The following DENND1B variants were observed in gnomAD, a reference collection of about 807,000 sequenced individuals.
DENND1B encodes the protein DENN domain containing 1B, also known as DENN domain-containing protein 1B.
DENND1B carries 59 observed loss-of-function variants against 90.1 expected under a neutral mutation model. The ratio of observed to expected loss-of-function variants is 0.65; its 90% CI spans 0.53 to 0.81. The LOEUF (loss-of-function observed/expected upper bound fraction) is 0.81, where lower values mean the gene tolerates loss of function less well. DENND1B is among the 40% of genes least tolerant of loss of function. The pLI, the probability that DENND1B is intolerant of heterozygous loss-of-function variation, is 0.00. For missense variants in DENND1B, 862 were observed against 912.6 expected (o/e 0.94, Z 0.71); for synonymous variants, 337 against 324.6 (o/e 1.04, Z -0.41).
intron 15 of DENND1B, among the ~76,000 whole-genome samples, chr1:197,561,524 T>G (rs1435449416): frequency 6.6e-6 from 1 of 151,844 alleles, no homozygotes; most frequent in Non-Finnish European, 1.5e-5. Context: ...TCATCTAATC[T>G]ACATGCTGAT....
At chr1:197,751,591 C>G (rs1479675142) in intron 2 of DENND1B, among the ~76,000 whole-genome samples, 2 of 152,112 alleles carry the variant, frequency 1.3e-5, no homozygotes. Context: ...CACCTGTAAG[C>G]CCAGCACTTT....
intron 2 of DENND1B, among the ~76,000 whole-genome samples, chr1:197,739,030 A>G (rs568441443): frequency 1.2e-4 from 19 of 152,330 alleles, no homozygotes; most frequent in Non-Finnish European, 2.5e-4. Context: ...AAGGTTCACC[A>G]CCAACCCACC....
chr1:197,695,079 A>C (rs1658293812), intron 3 of DENND1B, among the ~76,000 whole-genome samples: 1 of 151,300 alleles, frequency 6.6e-6, no homozygotes, highest in African/African-American at 2.4e-5. Flanking sequence ...GCAGTAGAGA[A>C]TATAAAATAA....
At position 197,510,779 on chromosome 1, in the gene DENND1B, T is replaced by G. The variant is rs1232229739; in HGVS notation, c.2009A>C (p.Lys670Thr). Residue 670 changes from lysine to threonine, a missense_variant, in exon 23 of 23, where the codon AAG becomes ACG. Physicochemically the swap from Lys to Thr is moderately conservative, Grantham distance 78. Transcript: ENST00000620048. ...ACTCACATTGTCAGCACCGAGGTGCTTGTTACTGTTTTCCTCTTTCAGGAT... is the reference window on the plus strand; with the variant it reads ...ACTCACATTGTCAGCACCGAGGTGCGTGTTACTGTTTTCCTCTTTCAGGAT... ...LFILKEENSN[K>T]HLGADNVSDP... The G allele has an allele frequency of 6.2e-7, 1 of 1,612,336 alleles. No homozygotes were observed. Among genetic ancestry groups the G allele is most frequent in the Non-Finnish European group, 8.5e-7 (1 of 1,179,098 alleles).
chr1:197,599,150 A>C (rs1346672337), intron 13 of DENND1B, among the ~76,000 whole-genome samples: 1 of 151,832 alleles, frequency 6.6e-6, no homozygotes, highest in Non-Finnish European at 1.5e-5. Flanking sequence ...AAATAGGTAC[A>C]TGTTAAAAGA....
intron 10 of DENND1B, among the ~76,000 whole-genome samples, chr1:197,620,973 C>A (rs968539160): frequency 2.0e-5 from 3 of 151,234 alleles, no homozygotes; most frequent in Non-Finnish European, 3.0e-5. Flanking sequence ...TGAAACCTAA[C>A]TGAAGGGAGA....
At chr1:197,730,027 G>A (rs1458268995) in intron 2 of DENND1B, among the ~76,000 whole-genome samples, 1 of 151,224 alleles carries the variant, frequency 6.6e-6, no homozygotes, top group Non-Finnish European at 1.5e-5. Flanking sequence ...GTACTCCAGG[G>A]AACCGCCACA....
At chr1:197,745,016 C>G (rs1221486632) in intron 2 of DENND1B, among the ~76,000 whole-genome samples, 1 of 152,222 alleles carries the variant, frequency 6.6e-6, no homozygotes, top group Non-Finnish European at 1.5e-5. Flanking sequence ...CCACATCTCT[C>G]TCAGCCTTCA....
chr1:197,536,125 G>GAGA (rs1669863051), intron 20 of DENND1B, among the ~76,000 whole-genome samples: 2 of 142,962 alleles, frequency 1.4e-5, no homozygotes, highest in South Asian at 2.3e-4. Flanking sequence ...AGGGAGAGAG[G>GAGA]GAGAGAGAGA....
At chr1:197,622,735 T>A (rs1326815675) in intron 10 of DENND1B, among the ~76,000 whole-genome samples, 1 of 151,492 alleles carries the variant, frequency 6.6e-6, no homozygotes, top group Non-Finnish European at 1.5e-5. Context: ...TCATCTCAAC[T>A]TATGTCTATG....
In DENND1B at chr1:197,735,686, C is replaced by G. The variant is rs572855960; in HGVS notation, c.83-20612G>C. On this transcript the variant is annotated intron_variant, in intron 2 of 22. Transcript: ENST00000620048. ...GCCGGTACAAGGTCTACCCCGGACA[C>G]GGGAGGCGCTACGCCAGGACCGACA... The G allele has an allele frequency of 7.5e-5, 121 of 1,614,090 alleles. 2 individuals are homozygous for G. The South Asian group carries it at 1.0e-3, about 14-fold the overall frequency.
Position 197,731,040 on chromosome 1 carries a change from AC to A in DENND1B, c.83-15967del, listed in dbSNP as rs568160422. Among the ~76,000 whole-genome samples the A allele has an allele frequency of 2.9e-3, 445 of 152,260 alleles. 2 individuals are homozygous for A. Among genetic ancestry groups the A allele is most frequent in the Non-Finnish European group, 4.4e-3 (298 of 68,002 alleles). On this transcript the variant is annotated intron_variant, in intron 2 of 22. Coordinates refer to ENST00000620048, the MANE Select transcript of DENND1B (RefSeq NM_001195215.2). Reference sequence around the variant, plus strand: ...ACTTCATGATTCAACATAAAGGACAACTGAAATCTGGGAGGATACTGGCTAC... The same window carrying A: ...ACTTCATGATTCAACATAAAGGACAATGAAATCTGGGAGGATACTGGCTAC...
chr1:197,631,560 C>A (rs550154068), intron 10 of DENND1B, among the ~76,000 whole-genome samples: 1 of 151,894 alleles, frequency 6.6e-6, no homozygotes, highest in African/African-American at 2.4e-5. Flanking sequence ...TATTTGAAAT[C>A]ATAATTTAAA....
rs1327497035 is a variant in DENND1B, at chr1:197,507,378, G to A, written c.*3082C>T. ...TTAACTGAAAAAATAATCATGCTAT[G>A]TTTTGGTGCTTTTCTAAGACACATT... On this transcript the variant is annotated 3_prime_UTR_variant, in exon 23 of 23. Transcript: ENST00000620048. 2 of 151,148 alleles carry A rather than the reference G, an allele frequency of 1.3e-5. No homozygotes were observed. The highest frequency in any genetic ancestry group is 4.8e-5 in the African/African-American group (2 of 41,256). The allele number at this position is 151,148 out of a possible 1,614,324, so 9.4% of individuals were successfully genotyped here.
chr1:197,620,201 A>G (rs1207691949), intron 10 of DENND1B, among the ~76,000 whole-genome samples: 1 of 151,324 alleles, frequency 6.6e-6, no homozygotes, highest in Non-Finnish European at 1.5e-5. Flanking sequence ...AACTTAAAAA[A>G]AAATGAGAAA....
intron 10 of DENND1B, among the ~76,000 whole-genome samples, chr1:197,622,139 T>C (rs1232901521): frequency 6.6e-6 from 1 of 151,416 alleles, no homozygotes; most frequent in Non-Finnish European, 1.5e-5. Flanking sequence ...TTGAAACTTC[T>C]GGTCCCAGGT....
At chr1:197,733,125 T>C (rs1372181654) in intron 2 of DENND1B, among the ~76,000 whole-genome samples, 1 of 152,124 alleles carries the variant, frequency 6.6e-6, no homozygotes, top group Non-Finnish European at 1.5e-5. Context: ...AGAAAATAAA[T>C]ATTCAGAACT....
chr1:197,769,500 GA>G (rs1369180783), intron 2 of DENND1B, among the ~76,000 whole-genome samples: 1 of 152,156 alleles, frequency 6.6e-6, no homozygotes, highest in Non-Finnish European at 1.5e-5. Context: ...ATAACCGCAA[GA>G]AATCTAAGCC....
chr1:197,642,757 A>G lies in DENND1B; in HGVS notation c.626T>C (p.Met209Thr), dbSNP rs1206938572. ...VNNMLQLYASMLHERRIVIIS... is the reference protein window; with the variant it reads ...VNNMLQLYASTLHERRIVIIS... The stretch of plus-strand genomic sequence containing the variant: ...AATCACGATGCGCCTTTCATGCAGC[A>G]TACTGGCATACAGCTGCAGCATGTT... The change falls in exon 10 of 23, where the codon ATG becomes ACG. Residue 209 changes from methionine to threonine, a missense_variant. Met to Thr is a moderately conservative substitution (Grantham distance 81, BLOSUM62 -1). Coordinates refer to ENST00000620048, the MANE Select transcript of DENND1B (RefSeq NM_001195215.2). 1 of 1,613,772 alleles carries G rather than the reference A, an allele frequency of 6.2e-7. No individual in the cohort carries two copies. Among genetic ancestry groups the G allele is most frequent in the East Asian group, 2.2e-5 (1 of 44,850 alleles).
Sources: allele counts gnomAD v4.1 joint callset (sites outside exome capture counted in the v4.1 genomes callset), GRCh38; gene constraint gnomAD v4.1.1; transcripts MANE v1.5; gene names NCBI Gene and HGNC (gene_info 2026-07-23, HGNC 2026-07-21).